The following GATA4 variants were observed in gnomAD, a reference collection of about 807,000 sequenced individuals.
The protein encoded by GATA4 is transcription factor GATA-4.
In GATA4, 7 loss-of-function variants were observed where a neutral mutation model predicts 37.9. That is an observed-to-expected ratio of 0.18 (90% CI 0.11 to 0.35). GATA4 has a LOEUF of 0.35. GATA4 is among the 10% of genes least tolerant of loss of function. GATA4 has a pLI of 1.00. For synonymous variants in GATA4, 372 were observed against 292.6 expected (o/e 1.27, Z -2.77); for missense variants, 647 against 653.0 (o/e 0.99, Z 0.10).
intron 2 of GATA4, among the ~76,000 whole-genome samples, chr8:11,712,941 C>A (rs898803745): frequency 6.6e-6 from 1 of 152,230 alleles, no homozygotes; most frequent in Middle Eastern, 3.4e-3. Context: ...TACAATGCAA[C>A]CTGGCCTTTG....
Position 11,704,214 on chromosome 8 carries a change from G to A in GATA4, c.-548G>A, listed in dbSNP as rs986265281. 6.6e-6 allele frequency: 1 copy of A among 152,336 alleles called. No homozygotes were observed. Among genetic ancestry groups the A allele is most frequent in the African/African-American group, 2.4e-5 (1 of 41,462 alleles). The allele number at this position is 152,336 out of a possible 1,614,324, so 9.4% of individuals were successfully genotyped here. On this transcript the variant is annotated 5_prime_UTR_variant, in exon 1 of 7. Transcript: ENST00000532059. ...CGAGCCGCGAGCTGGGGACTTGGAG[G>A]CGGCCGGCGCAGGGGCCGCGAGAGG...
chr8:11,702,304 G>A (rs1799703142), upstream of GATA4, among the ~76,000 whole-genome samples: 1 of 152,034 alleles, frequency 6.6e-6, no homozygotes, highest in Admixed American at 6.5e-5. The surrounding 1 kb of genome is among the most constrained non-coding windows in gnomAD (Gnocchi z 4.4). Context: ...TAAGGGTCGC[G>A]CGTGGGAGGC....
chr8:11,699,895 C>G (rs1004476510), upstream of GATA4, among the ~76,000 whole-genome samples: 6 of 151,958 alleles, frequency 3.9e-5, no homozygotes, highest in Non-Finnish European at 8.8e-5. Flanking sequence ...AAAGGAAACT[C>G]AGAACAATTT....
intron 2 of GATA4, among the ~76,000 whole-genome samples, chr8:11,734,479 T>C (rs1801355786): frequency 1.3e-5 from 2 of 152,104 alleles, no homozygotes. Context: ...GAGATATCTA[T>C]TCTGTCTTTT....
At chr8:11,723,397 C>G (rs763889784) in intron 2 of GATA4, among the ~76,000 whole-genome samples, 8 of 152,092 alleles carry the variant, frequency 5.3e-5, no homozygotes, top group Non-Finnish European at 1.0e-4. Flanking sequence ...TGTTTCTATC[C>G]ATATATCCTG....
intron 1 of GATA4, among the ~76,000 whole-genome samples, chr8:11,681,781 C>T (rs1051083659): frequency 6.6e-6 from 1 of 152,162 alleles, no homozygotes; most frequent in Non-Finnish European, 1.5e-5. Flanking sequence ...ATTCGTTCTT[C>T]TTTTCTCCTT....
intron 2 of GATA4, among the ~76,000 whole-genome samples, chr8:11,740,367 C>T (rs1225760290): frequency 6.6e-6 from 1 of 152,228 alleles, no homozygotes; most frequent in African/African-American, 2.4e-5. Flanking sequence ...TAATATGCCC[C>T]CTCCCCTCAG....
chr8:11,722,312 G>C (rs145275898), intron 2 of GATA4, among the ~76,000 whole-genome samples: 216 of 152,282 alleles, frequency 1.4e-3, no homozygotes, highest in African/African-American at 5.0e-3. Context: ...CAAACAGCAT[G>C]TCATTTTACC....
upstream of GATA4, among the ~76,000 whole-genome samples, chr8:11,702,329 G>T (rs776459849): frequency 2.0e-5 from 3 of 152,058 alleles, no homozygotes; most frequent in Non-Finnish European, 4.4e-5. The surrounding 1 kb of genome is among the most constrained non-coding windows in gnomAD (Gnocchi z 4.4). Flanking sequence ...CTGAGACCCC[G>T]GGTAGCGCTG....
rs1223303412 is a variant in GATA4 at position 11,715,651 on chromosome 8, G to T, written c.616+6723G>T. ...AGCTATTCAGGAGGCTGAGGCAGGA[G>T]AATTGCTTGAACCCGGGAGTTGGAG... On this transcript the variant is annotated intron_variant, in intron 2 of 6. Coordinates refer to ENST00000532059, the MANE Select transcript of GATA4 (RefSeq NM_001308093.3). Among the ~76,000 whole-genome samples, 5 of 151,912 alleles carry T rather than the reference G, an allele frequency of 3.3e-5. No individual in the cohort carries two copies. In the East Asian group the frequency reaches 9.8e-4, roughly 30 times the overall value.
At chr8:11,719,481 A>C (rs1233690446) in intron 2 of GATA4, among the ~76,000 whole-genome samples, 1 of 152,226 alleles carries the variant, frequency 6.6e-6, no homozygotes, top group Non-Finnish European at 1.5e-5. Flanking sequence ...TCAGAGAAAC[A>C]CGTAGTAATT....
At chr8:11,696,441 T>G (rs1200603978) in intron 1 of GATA4, among the ~76,000 whole-genome samples, 6 of 152,212 alleles carry the variant, frequency 3.9e-5, no homozygotes, top group Non-Finnish European at 5.9e-5. Context: ...GGGGTGTTTG[T>G]TGTTCATTCC....
intron 1 of GATA4, among the ~76,000 whole-genome samples, chr8:11,693,552 CACACACACACAGAG>C (rs1323463814): frequency 0.015 from 1,742 of 118,062 alleles, 44 homozygotes; most frequent in African/African-American, 0.054. Context: ...CACACACACA[CACACACACACAGAG>C]AGAGAGAGAG....
At chr8:11,679,334 C>T (rs1798880312) in intron 1 of GATA4, among the ~76,000 whole-genome samples, 1 of 149,756 alleles carries the variant, frequency 6.7e-6, no homozygotes, top group Admixed American at 6.7e-5. Flanking sequence ...AGGAAGGGGA[C>T]GTTTCTAGAA....
chr8:11,741,409 G>A (rs1220218642), intron 2 of GATA4, among the ~76,000 whole-genome samples: 3 of 151,994 alleles, frequency 2.0e-5, no homozygotes, highest in African/African-American at 7.3e-5. Context: ...GGGCCGCGAA[G>A]TCAAGGCTGC....
At chr8:11,731,517 C>T (rs748250508) in intron 2 of GATA4, among the ~76,000 whole-genome samples, 5 of 152,146 alleles carry the variant, frequency 3.3e-5, no homozygotes, top group Admixed American at 6.5e-5. Context: ...GTGGGGCCCC[C>T]AGAGCCGTCA....
At chr8:11,726,647 G>A (rs1800937922) in intron 2 of GATA4, among the ~76,000 whole-genome samples, 1 of 152,132 alleles carries the variant, frequency 6.6e-6, no homozygotes, top group Non-Finnish European at 1.5e-5. Context: ...AGGGGTGGAG[G>A]AGGAGCTCTG....
At chr8:11,735,566 T>A (rs557916273) in intron 2 of GATA4, among the ~76,000 whole-genome samples, 2 of 152,326 alleles carry the variant, frequency 1.3e-5, no homozygotes, top group South Asian at 4.1e-4. Context: ...TGTTTCTTTC[T>A]TTCTTTCTTT....
chr8:11,751,127 T>A (rs1802282946), intron 4 of GATA4, among the ~76,000 whole-genome samples: 1 of 152,194 alleles, frequency 6.6e-6, no homozygotes, highest in South Asian at 2.1e-4. Flanking sequence ...TTGTAAATAT[T>A]TACTGTTTGT....
Sources: gnomAD v4.1 joint callset for allele counts (sites outside exome capture counted in the v4.1 genomes callset) on GRCh38, gnomAD v4.1.1 for gene constraint, Gnocchi (gnomAD v3.1) non-coding constraint, MANE v1.5 for transcripts, NCBI Gene and HGNC (gene_info 2026-07-23, HGNC 2026-07-21) for gene names.